The following KIDINS220 variants were observed in gnomAD, a reference collection of about 807,000 sequenced individuals.
The protein encoded by KIDINS220 is kinase D interacting substrate 220, also known as kinase D-interacting substrate of 220 kDa.
Under a neutral mutation model 157.6 loss-of-function variants are expected in KIDINS220, and 63 were observed. That is an observed-to-expected ratio of 0.40 (90% CI 0.33 to 0.49). KIDINS220 has a LOEUF of 0.49. KIDINS220 is among the 20% of genes least tolerant of loss of function. The pLI is 0.66. For synonymous variants in KIDINS220, 732 were observed against 783.6 expected (o/e 0.93, Z 1.10); for missense variants, 1,772 against 2,171.2 (o/e 0.82, Z 3.65).
chr2:8,827,131 TGTTAA>T lies in KIDINS220; in HGVS notation c.-36-7_-36-3del. The T allele has an allele frequency of 9.0e-7, 1 of 1,115,310 alleles. No homozygotes were observed. The allele number at this position is 1,115,310 out of a possible 1,614,324, so 69.1% of individuals were successfully genotyped here. A position where few individuals can be genotyped will look rare whatever the true frequency, so the allele number is the denominator to read the frequency against. ...CTGCAATTAACTTTATTTGAATACCTGTTAAATTAGACAAAATACACATAATTTAT... is the reference window on the plus strand; with the variant it reads ...CTGCAATTAACTTTATTTGAATACCTATTAGACAAAATACACATAATTTAT... On this transcript the variant is annotated splice_region_variant and splice_polypyrimidine_tract_variant and intron_variant, in intron 1 of 29. Coordinates refer to ENST00000256707, the MANE Select transcript of KIDINS220 (RefSeq NM_020738.4).
At chr2:8,726,824 G>A, downstream of KIDINS220, 1 of 781,132 alleles carries the variant, frequency 1.3e-6, no homozygotes. Context: ...GTCCTTTGTT[G>A]GCCAAAACGT....
At chr2:8,789,339 G>C (rs1467654735) in intron 14 of KIDINS220, among the ~76,000 whole-genome samples, 3 of 106,746 alleles carry the variant, frequency 2.8e-5, no homozygotes, top group Non-Finnish European at 6.5e-5. Context: ...CCAGGCTGGA[G>C]AGCAGTGGCG....
intron 11 of KIDINS220, among the ~76,000 whole-genome samples, chr2:8,796,431 C>T (rs142773228): frequency 1.2e-4 from 18 of 152,306 alleles, no homozygotes; most frequent in African/African-American, 4.1e-4. Context: ...CTCTGAGCAT[C>T]GGCCTCCTCC....
At position 8,802,959 on chromosome 2, in the gene KIDINS220, C is replaced by A; in HGVS notation, c.772G>T (p.Ala258Ser). The change falls in exon 8 of 30, where the codon GCT becomes TCT. Residue 258 changes from alanine (A) to serine (S), a missense_variant. Coordinates refer to ENST00000256707, the MANE Select transcript of KIDINS220 (RefSeq NM_020738.4). ...HTEIVQDLLD[A>S]GTYVNIPDRS... ...TCAGGTATGTTCACATATGTTCCAG[C>A]GTCGAGCAGATCCTGCACAATCTCC... The A allele has an allele frequency of 1.2e-6, 2 of 1,613,874 alleles. No individual in the cohort carries two copies. The highest frequency in any genetic ancestry group is 8.5e-7 in the Non-Finnish European group (1 of 1,179,946).
chr2:8,786,315 T>C lies in KIDINS220; in HGVS notation c.1830A>G (p.Gly610=). 1 of 1,613,958 alleles carries C rather than the reference T, an allele frequency of 6.2e-7. No individual in the cohort carries two copies. Among genetic ancestry groups the C allele is most frequent in the Non-Finnish European group, 8.5e-7 (1 of 1,179,870 alleles). Residue 610 remains glycine, a synonymous_variant, in exon 16 of 30, where the codon GGA becomes GGG. Coordinates refer to ENST00000256707, the MANE Select transcript of KIDINS220 (RefSeq NM_020738.4). ...CAATCATTTCAGCCAGAGAAGTTTCTCCACCTACACTGGACAGTCTATTGT... is the reference window on the plus strand; with the variant it reads ...CAATCATTTCAGCCAGAGAAGTTTCCCCACCTACACTGGACAGTCTATTGT... The part of the protein sequence containing the change: ...TDYNRLSSVG[G]ETSLAEMIAT...
downstream of KIDINS220, chr2:8,721,581 CTG>C (rs1558284967): frequency 1.3e-5 from 2 of 152,056 alleles, no homozygotes; most frequent in African/African-American, 2.4e-5. Flanking sequence ...AACAAGAAAA[CTG>C]ATGATGATGA....
chr2:8,744,836 C>G (rs577664603), intron 26 of KIDINS220, among the ~76,000 whole-genome samples: 112 of 152,162 alleles, frequency 7.4e-4, no homozygotes, highest in African/African-American at 2.3e-3. Flanking sequence ...ATTCTATTGT[C>G]GTTGTTAATT....
At chr2:8,737,070 G>T in intron 26 of KIDINS220, 71 bp from the exon 27 acceptor site, 2 of 1,443,716 alleles carry the variant, frequency 1.4e-6, no homozygotes, top group Non-Finnish European at 1.9e-6. Flanking sequence ...TCATGTGACA[G>T]AGAAAAACTC....
intron 21 of KIDINS220, among the ~76,000 whole-genome samples, chr2:8,774,323 AAGAT>A (rs910079984): frequency 4.0e-5 from 6 of 151,888 alleles, no homozygotes; most frequent in East Asian, 1.9e-4. Flanking sequence ...GAAGGAAAGA[AAGAT>A]AGATAGAAAA....
chr2:8,790,718 A>G (rs1001488671), intron 13 of KIDINS220, among the ~76,000 whole-genome samples: 14 of 152,216 alleles, frequency 9.2e-5, no homozygotes, highest in African/African-American at 3.4e-4. Flanking sequence ...TGGGAAACAC[A>G]TCTGGTCTGT....
intron 1 of KIDINS220, among the ~76,000 whole-genome samples, chr2:8,828,278 C>A (rs1476074511): frequency 6.6e-6 from 1 of 152,178 alleles, no homozygotes; most frequent in Non-Finnish European, 1.5e-5. Flanking sequence ...CGGCTTACCC[C>A]CTGACCCCGT....
chr2:8,745,663 G>A (rs1324174978), intron 26 of KIDINS220, among the ~76,000 whole-genome samples: 1 of 152,082 alleles, frequency 6.6e-6, no homozygotes, highest in Admixed American at 6.5e-5. Context: ...GCCAGGCATG[G>A]TGGTGGGAGC....
chr2:8,792,094 G>A (rs68190750), intron 12 of KIDINS220, among the ~76,000 whole-genome samples: 9,941 of 152,080 alleles, frequency 0.065, 376 homozygotes, highest in Middle Eastern at 0.16. Context: ...ATACCTCATA[G>A]CCTCAACAAA....
At position 8,790,061 on chromosome 2, in the gene KIDINS220, T is replaced by C. The variant is rs1216543008; in HGVS notation, c.1442-2A>G. The C allele has an allele frequency of 6.3e-7, 1 of 1,583,930 alleles. No homozygotes were observed. The highest frequency in any genetic ancestry group is 2.0e-5 in the Admixed American group (1 of 49,438). On this transcript the variant is annotated splice_acceptor_variant, in intron 13 of 29. Coordinates refer to ENST00000256707, the MANE Select transcript of KIDINS220 (RefSeq NM_020738.4). LOFTEE classifies it high-confidence loss of function. Reference sequence around the variant, plus strand: ...GTCCGGCGAAGGTTTTCATTTCGTCTGAAAGAGAATTTAATACGAAACCTT... The same window carrying C: ...GTCCGGCGAAGGTTTTCATTTCGTCCGAAAGAGAATTTAATACGAAACCTT...
chr2:8,744,899 T>C (rs573634592), intron 26 of KIDINS220, among the ~76,000 whole-genome samples: 1 of 152,308 alleles, frequency 6.6e-6, no homozygotes, highest in African/African-American at 2.4e-5. Context: ...ATGCTAATCA[T>C]AAAATGATCT....
intron 6 of KIDINS220, among the ~76,000 whole-genome samples, chr2:8,809,005 T>A (rs1181677488): frequency 9.5e-6 from 1 of 105,816 alleles, no homozygotes; most frequent in Non-Finnish European, 1.9e-5. Flanking sequence ...TGTATCTTTT[T>A]TTGGTTTGTT....
At chr2:8,772,018 T>C (rs923692629) in intron 21 of KIDINS220, among the ~76,000 whole-genome samples, 24 of 150,338 alleles carry the variant, frequency 1.6e-4, no homozygotes, top group African/African-American at 5.4e-4. Flanking sequence ...AACTAAGCGA[T>C]GAAGGATGAA....
At chr2:8,810,703 T>C (rs1676167981) in intron 6 of KIDINS220, among the ~76,000 whole-genome samples, 1 of 152,112 alleles carries the variant, frequency 6.6e-6, no homozygotes, top group Non-Finnish European at 1.5e-5. Context: ...GGAGAATCGC[T>C]TGAACCCAGG....
At chr2:8,757,729 C>T (rs1207876787) in intron 22 of KIDINS220, 1 of 1,612,458 alleles carries the variant, frequency 6.2e-7, no homozygotes, top group South Asian at 1.1e-5. Flanking sequence ...AACATGGCAA[C>T]TAACACTGAC....
Sources: allele counts gnomAD v4.1 joint callset (sites outside exome capture counted in the v4.1 genomes callset), GRCh38; gene constraint gnomAD v4.1.1; transcripts MANE v1.5; gene names NCBI Gene and HGNC (gene_info 2026-07-23, HGNC 2026-07-21).